The following ARHGAP22 variants were observed in gnomAD, a reference collection of about 807,000 sequenced individuals.
ARHGAP22 encodes the protein Rho GTPase activating protein 22.
Under a neutral mutation model 59.1 loss-of-function variants are expected in ARHGAP22, and 48 were observed. That is an observed-to-expected ratio of 0.81 (90% CI 0.64 to 1.03). ARHGAP22 has a LOEUF of 1.03. Among genes scored for constraint, ARHGAP22 ranks in the 50% least tolerant of loss-of-function variants. The pLI is 0.00. For missense variants in ARHGAP22, 1,015 were observed against 958.7 expected (o/e 1.06, Z -0.78); for synonymous variants, 445 against 416.4 (o/e 1.07, Z -0.84).
intron 4 of ARHGAP22, 88 bp from the exon 5 acceptor site, chr10:48,459,979 G>C: frequency 7.6e-7 from 1 of 1,312,562 alleles, no homozygotes; most frequent in Admixed American, 2.1e-5. Context: ...GCACTGTTAG[G>C]GCTAAAGGTG....
At chr10:48,437,404 G>C in the ARHGAP22 span, 1 of 151,910 alleles carries the variant, frequency 6.6e-6, no homozygotes, top group African/African-American at 2.4e-5. Flanking sequence ...GGTAGTACTT[G>C]TATGAAACCA....
Position 48,459,668 on chromosome 10 carries a change from C to G in ARHGAP22, c.659+16G>C, listed in dbSNP as rs566739100. 15 of 1,613,836 alleles carry G rather than the reference C, an allele frequency of 9.3e-6. No individual in the cohort carries two copies. The South Asian group carries it at 1.5e-4, about 17-fold the overall frequency. On this transcript the variant is annotated intron_variant, in intron 5 of 9. Coordinates refer to ENST00000249601, the MANE Select transcript of ARHGAP22 (RefSeq NM_021226.4). ...ATGGACAAATGGCTCCACCTTACCCCCGATCACAAGCTCACCTGTCAAACA... is the reference window on the plus strand; with the variant it reads ...ATGGACAAATGGCTCCACCTTACCCGCGATCACAAGCTCACCTGTCAAACA...
chr10:48,483,747 T>G (rs2049573194), intron 3 of ARHGAP22, among the ~76,000 whole-genome samples: 1 of 152,232 alleles, frequency 6.6e-6, no homozygotes, highest in Non-Finnish European at 1.5e-5. Flanking sequence ...TTTTGCCAGC[T>G]GAGTTCCTTG....
chr10:48,434,696 T>A, the ARHGAP22 span, among the ~76,000 whole-genome samples: 1 of 152,332 alleles, frequency 6.6e-6, no homozygotes, highest in East Asian at 1.9e-4. Flanking sequence ...ATTTTCAGAA[T>A]TCTCACCTCA....
rs2060597276 is a variant in ARHGAP22 at position 48,604,889 on chromosome 10, C to T, written c.-93G>A. 6.3e-7 allele frequency: 1 copy of T among 1,599,104 alleles called. No individual in the cohort carries two copies. The highest frequency in any genetic ancestry group is 1.1e-5 in the South Asian group (1 of 90,108). ...CTCGCGCCTAGTCGCCCCTCATGTC[C>T]TGCTCGTTCGGGGCCCCGTGGCCGC... On this transcript the variant is annotated 5_prime_UTR_variant, in exon 1 of 10. Transcript: ENST00000249601.
At chr10:48,520,429 G>C (rs12265171) in intron 3 of ARHGAP22, among the ~76,000 whole-genome samples, 1 of 152,020 alleles carries the variant, frequency 6.6e-6, no homozygotes, top group Non-Finnish European at 1.5e-5. Context: ...TGCTCAGAGC[G>C]TCAGAACTGG....
chr10:48,552,200 GT>G (rs559110789), intron 3 of ARHGAP22, among the ~76,000 whole-genome samples: 7 of 152,402 alleles, frequency 4.6e-5, no homozygotes, highest in African/African-American at 1.7e-4. Context: ...GAGTTGTCAA[GT>G]TTTTCCCCCT....
In ARHGAP22 at chr10:48,455,037, T is replaced by C. The variant is rs1335983269; in HGVS notation, c.757A>G (p.Ser253Gly). ...VPFARYEDFL[S>G]CAQLLTKDEG... is the part of the protein sequence containing the mutation. ...TCCTTGGTGAGCAGCTGGGCGCAGC[T>C]GAGGAAGTCCTCGTACCTGGCGAAG... Residue 253 changes from serine (S) to glycine (G), a missense_variant, in exon 6 of 10, where the codon AGC becomes GGC. Physicochemically the swap from Ser to Gly is moderately conservative, Grantham distance 56. Coordinates refer to ENST00000249601, the MANE Select transcript of ARHGAP22 (RefSeq NM_021226.4). The C allele has an allele frequency of 6.2e-7, 1 of 1,611,226 alleles. No homozygotes were observed. The highest frequency in any genetic ancestry group is 8.5e-7 in the Non-Finnish European group (1 of 1,178,542).
intron 1 of ARHGAP22, among the ~76,000 whole-genome samples, chr10:48,611,205 G>A (rs1434062957): frequency 6.6e-6 from 1 of 152,206 alleles, no homozygotes; most frequent in Non-Finnish European, 1.5e-5. Context: ...CTGCCTGTGA[G>A]TGCTGGGTTC....
chr10:48,450,569 C>G lies in ARHGAP22; in HGVS notation c.1560G>C (p.Ser520=). ...MAWSGASSSE[S]SVGGSLSSCT... Reference sequence around the variant, plus strand: ...AGCTGCTGAGTGAGCCCCCCACCGACGACTCGCTGGACGAGGCCCCGGACC... The same window carrying G: ...AGCTGCTGAGTGAGCCCCCCACCGAGGACTCGCTGGACGAGGCCCCGGACC... Residue 520 remains serine (S), a synonymous_variant, in exon 9 of 10, where the codon TCG becomes TCC. Coordinates refer to ENST00000249601, the MANE Select transcript of ARHGAP22 (RefSeq NM_021226.4). 2 of 1,533,242 alleles carry G rather than the reference C, an allele frequency of 1.3e-6. No homozygotes were observed. The highest frequency in any genetic ancestry group is 1.8e-6 in the Non-Finnish European group (2 of 1,141,000). 95.0% of individuals were successfully genotyped at this position (1,533,242 alleles called of 1,614,324 possible).
intron 3 of ARHGAP22, among the ~76,000 whole-genome samples, chr10:48,545,246 A>C (rs1331240576): frequency 6.6e-6 from 1 of 152,228 alleles, no homozygotes; most frequent in Non-Finnish European, 1.5e-5. Flanking sequence ...CATGGCTTGC[A>C]TTACATCTCT....
intron 3 of ARHGAP22, among the ~76,000 whole-genome samples, chr10:48,533,299 G>A (rs2055042079): frequency 6.6e-6 from 1 of 151,592 alleles, no homozygotes; most frequent in South Asian, 2.1e-4. Context: ...GATCCCATAA[G>A]GACTGGTATT....
chr10:48,472,916 A>T (rs2048363933), intron 4 of ARHGAP22, among the ~76,000 whole-genome samples: 1 of 152,236 alleles, frequency 6.6e-6, no homozygotes, highest in South Asian at 2.1e-4. Flanking sequence ...TGGGGCAGCC[A>T]CTGTGGAAAA....
chr10:48,441,194 GT>G (rs1564645979), downstream of ARHGAP22, among the ~76,000 whole-genome samples: 1 of 152,168 alleles, frequency 6.6e-6, no homozygotes, highest in East Asian at 1.9e-4. Context: ...TTGTTTGCTT[GT>G]ATGGCCCTTG....
rs536716387 is a variant in ARHGAP22 at position 48,451,080 on chromosome 10, G to A, written c.1049C>T (p.Thr350Met). Residue 350 changes from threonine (T) to methionine (M), a missense_variant, in exon 9 of 10, where the codon ACG (threonine) becomes ATG (methionine). Coordinates refer to ENST00000249601, the MANE Select transcript of ARHGAP22 (RefSeq NM_021226.4). ...VLIRKHSQLF[T>M]APVPEGPTSP... ...GGTGGGCCCTTCCGGGACCGGTGCC[G>A]TGAAGAGCTGGCTGTGTTTGCGGAT... The A allele has an allele frequency of 3.9e-6, 6 of 1,552,726 alleles. No homozygotes were observed. The highest frequency in any genetic ancestry group is 3.6e-5 in the South Asian group (3 of 84,162).
At chr10:48,459,919 C>A (rs776305830) in intron 4 of ARHGAP22, 28 bp from the exon 5 acceptor site, 47 of 1,600,386 alleles carry the variant, frequency 2.9e-5, no homozygotes, top group Non-Finnish European at 3.8e-5. Flanking sequence ...CTAGTCACAC[C>A]CTCCACCACC....
intron 3 of ARHGAP22, among the ~76,000 whole-genome samples, chr10:48,541,611 G>C (rs892999208): frequency 6.6e-6 from 1 of 152,218 alleles, no homozygotes; most frequent in Non-Finnish European, 1.5e-5. Flanking sequence ...GTGTCCCCCT[G>C]TGTAGAACAG....
chr10:48,489,645 T>C (rs927565173), intron 3 of ARHGAP22, among the ~76,000 whole-genome samples: 2 of 152,196 alleles, frequency 1.3e-5, no homozygotes, highest in African/African-American at 4.8e-5. Context: ...TCACAGTTTC[T>C]GGTTTTTCCT....
intron 2 of ARHGAP22, among the ~76,000 whole-genome samples, chr10:48,569,637 A>C (rs1197927145): frequency 1.3e-5 from 2 of 152,242 alleles, no homozygotes; most frequent in Non-Finnish European, 2.9e-5. Context: ...GGATTGCTCT[A>C]TTATAAGTGT....
Sources: gnomAD v4.1 joint callset for allele counts (sites outside exome capture counted in the v4.1 genomes callset) on GRCh38, gnomAD v4.1.1 for gene constraint, MANE v1.5 for transcripts, NCBI Gene and HGNC (gene_info 2026-07-23, HGNC 2026-07-21) for gene names.